TPGS2: variants seen among roughly 807,000 people sequenced by gnomAD.
TPGS2 encodes the protein tubulin polyglutamylase complex subunit 2, also known as polyglutamylase subunit 2.
A neutral mutation model predicts 31.1 loss-of-function variants in TPGS2; 26 were observed. The ratio of observed to expected loss-of-function variants is 0.84; its 90% CI spans 0.61 to 1.16. The LOEUF is 1.16. TPGS2 is among the 50% of genes most tolerant of loss of function. The probability of loss-of-function intolerance (pLI) is 0.00; values close to 1 mark genes in which losing one functional copy is unlikely to be tolerated. For missense variants in TPGS2, 351 were observed against 363.8 expected, an observed-to-expected ratio of 0.96 and a Z score of 0.29; for synonymous variants, 130 against 136.6, an observed-to-expected ratio of 0.95 and a Z score of 0.34.
chr18:36,802,784 C>T (rs1450964840), intron 4 of TPGS2, among the ~76,000 whole-genome samples: 2 of 152,124 alleles, frequency 1.3e-5, no homozygotes, highest in Non-Finnish European at 2.9e-5. Flanking sequence ...CCCGCCACCA[C>T]GCCTGGCTAA....
chr18:36,780,531 T>C (rs1470787013), downstream of TPGS2, among the ~76,000 whole-genome samples: 2 of 152,172 alleles, frequency 1.3e-5, no homozygotes, highest in African/African-American at 4.8e-5. Context: ...CACGTAATGA[T>C]GGGGATATGT....
At chr18:36,804,142 T>C (rs1302432045) in intron 4 of TPGS2, among the ~76,000 whole-genome samples, 2 of 152,196 alleles carry the variant, frequency 1.3e-5, no homozygotes, top group African/African-American at 2.4e-5. Context: ...GTGTATTCTA[T>C]TTTTTGCTGA....
chr18:36,822,432 C>G (rs971379429), intron 1 of TPGS2, among the ~76,000 whole-genome samples: 1 of 152,188 alleles, frequency 6.6e-6, no homozygotes, highest in African/African-American at 2.4e-5. Flanking sequence ...TGCAGTGGAT[C>G]TGGTGGATCT....
intron 6 of TPGS2, chr18:36,786,810 TA>T (rs1375073055): frequency 8.1e-7 from 1 of 1,234,160 alleles, no homozygotes; most frequent in African/African-American, 1.6e-5. Context: ...TGGAGAGTTT[TA>T]TTTGTAGTTC....
chr18:36,795,396 C>T lies in TPGS2; in HGVS notation c.*1409G>A. ...ACTGAAGTGTGCAGATGGTAGAGGC[C>T]CCTGCACCTCATTCCTCAAAACTCC... On this transcript the variant is annotated 3_prime_UTR_variant, in exon 7 of 7. Transcript: ENST00000334295. 1.0e-6 allele frequency: 1 copy of T among 985,238 alleles called. No homozygotes were observed. Among genetic ancestry groups the T allele is most frequent in the African/African-American group, 1.7e-5 (1 of 57,280 alleles). 61.0% of individuals were successfully genotyped at this position (985,238 alleles called of 1,614,324 possible). A position where few individuals can be genotyped will look rare whatever the true frequency, so the allele number is the denominator to read the frequency against.
Position 36,828,932 on chromosome 18 carries a change from G to T in TPGS2, c.-165C>A. On this transcript the variant is annotated 5_prime_UTR_variant, in exon 1 of 7. Transcript: ENST00000334295. The stretch of plus-strand genomic sequence containing the variant: ...GGGTTGGTCTGACAGCAGCAGCTCC[G>T]TGGGGCGCCGGTTCCCGCGGCCCCG... 1 of 985,552 alleles carries T rather than the reference G, an allele frequency of 1.0e-6. No homozygotes were observed. Among genetic ancestry groups the T allele is most frequent in the Non-Finnish European group, 1.4e-6 (1 of 696,884 alleles). The allele number at this position is 985,552 out of a possible 1,614,324, so 61.1% of individuals were successfully genotyped here.
chr18:36,819,060 G>C, intron 1 of TPGS2, 87 bp from the exon 2 acceptor site: 1 of 1,066,554 alleles, frequency 9.4e-7, no homozygotes, highest in Non-Finnish European at 1.4e-6. Context: ...GTTGATGACT[G>C]CTCTTAAGAA....
chr18:36,810,877 GA>G (rs2045392982), intron 2 of TPGS2, among the ~76,000 whole-genome samples: 1 of 152,066 alleles, frequency 6.6e-6, no homozygotes, highest in South Asian at 2.1e-4. Flanking sequence ...GGCCTCAAGG[GA>G]AGGGCTAGGG....
At chr18:36,817,097 C>G (rs552786529) in intron 2 of TPGS2, among the ~76,000 whole-genome samples, 1 of 152,336 alleles carries the variant, frequency 6.6e-6, no homozygotes, top group Non-Finnish European at 1.5e-5. Context: ...TTCATAGCCA[C>G]TGTTCTGGAA....
At chr18:36,807,781 C>A in intron 3 of TPGS2, 66 bp downstream of exon 3, 1 of 1,457,556 alleles carries the variant, frequency 6.9e-7, no homozygotes, top group African/African-American at 1.4e-5. Context: ...AGTCGAAGGG[C>A]CCTCAGAGTT....
At chr18:36,808,515 G>A (rs1376023186) in intron 2 of TPGS2, among the ~76,000 whole-genome samples, 2 of 152,050 alleles carry the variant, frequency 1.3e-5, no homozygotes, top group Non-Finnish European at 2.9e-5. Flanking sequence ...GCGGGCGCCT[G>A]TAGTCCCAGC....
chr18:36,800,061 T>G (rs893144145), intron 5 of TPGS2, 137 bp downstream of exon 5: 9 of 695,158 alleles, frequency 1.3e-5, no homozygotes, highest in African/African-American at 1.3e-4. Flanking sequence ...AAGGGGTTTT[T>G]GGGTTTGGGA....
chr18:36,827,115 A>C (rs1285972327), intron 1 of TPGS2, among the ~76,000 whole-genome samples: 1 of 151,920 alleles, frequency 6.6e-6, no homozygotes, highest in Non-Finnish European at 1.5e-5. Context: ...TAACCCTCCC[A>C]CCACAGCCTC....
chr18:36,821,851 C>G (rs948446331), intron 1 of TPGS2, among the ~76,000 whole-genome samples: 1 of 152,214 alleles, frequency 6.6e-6, no homozygotes, highest in African/African-American at 2.4e-5. Context: ...CTGTTCCCCG[C>G]TGGCGTGCTT....
At chr18:36,807,249 T>A (rs2045197670) in intron 3 of TPGS2, among the ~76,000 whole-genome samples, 1 of 152,180 alleles carries the variant, frequency 6.6e-6, no homozygotes, top group Non-Finnish European at 1.5e-5. Context: ...TATGCCTACA[T>A]AGTACCTACA....
At chr18:36,809,344 C>G (rs1282306003) in intron 2 of TPGS2, among the ~76,000 whole-genome samples, 1 of 152,140 alleles carries the variant, frequency 6.6e-6, no homozygotes, top group Non-Finnish European at 1.5e-5. Context: ...TCAAGCTTGC[C>G]GGAGATTTTA....
At chr18:36,800,419 C>CTTAAGGCTTATACTTA in intron 4 of TPGS2, 108 bp from the exon 5 acceptor site, 1 of 847,866 alleles carries the variant, frequency 1.2e-6, no homozygotes, top group Non-Finnish European at 2.0e-6. Flanking sequence ...AGCCTTATCT[C>CTTAAGGCTTATACTTA]AGACATATAC....
At chr18:36,794,067 G>T, downstream of TPGS2, 1 of 187,640 alleles carries the variant, frequency 5.3e-6, no homozygotes, top group Non-Finnish European at 9.9e-6. Flanking sequence ...ATTTAAAACT[G>T]GAATTGCACA....
intron 1 of TPGS2, among the ~76,000 whole-genome samples, chr18:36,825,660 G>A (rs1246335): frequency 0.096 from 14,617 of 152,082 alleles, 2,393 homozygotes; most frequent in African/African-American, 0.33. Context: ...TCACACTGTT[G>A]TACAACCATC....
Sources: gnomAD v4.1 joint callset for allele counts (sites outside exome capture counted in the v4.1 genomes callset) on GRCh38, gnomAD v4.1.1 for gene constraint, MANE v1.5 for transcripts, NCBI Gene and HGNC (gene_info 2026-07-23, HGNC 2026-07-21) for gene names.